ABRAXAS1: variants seen among roughly 807,000 people sequenced by gnomAD.
The protein encoded by ABRAXAS1 is BRCA1-A complex subunit Abraxas 1.
ABRAXAS1 carries 26 observed loss-of-function variants against 38.4 expected under a neutral mutation model. The observed-to-expected ratio is 0.68, with a 90% CI of 0.50 to 0.94. The LOEUF is 0.94. Among genes scored for constraint, ABRAXAS1 ranks in the 40% least tolerant of loss-of-function variants. The probability of loss-of-function intolerance (pLI) is 0.00; values close to 1 mark genes in which losing one functional copy is unlikely to be tolerated. For synonymous variants in ABRAXAS1, 144 were observed against 165.5 expected, an observed-to-expected ratio of 0.87 and a Z score of 1.00; for missense variants, 438 against 481.9, an observed-to-expected ratio of 0.91 and a Z score of 0.85.
At chr4:83,481,814 G>A (rs184435966) in intron 2 of ABRAXAS1, among the ~76,000 whole-genome samples, 1 of 152,212 alleles carries the variant, frequency 6.6e-6, no homozygotes, top group East Asian at 1.9e-4. Context: ...CAGTGGCACA[G>A]TCTCGGCTCA....
At chr4:83,470,130 G>T in intron 5 of ABRAXAS1, 73 bp downstream of exon 5, 3 of 1,160,374 alleles carry the variant, frequency 2.6e-6, no homozygotes, top group Non-Finnish European at 3.6e-6. Context: ...CACTTTGTAA[G>T]CTGCAAAAAG....
chr4:83,475,259 C>T (rs916313574), intron 3 of ABRAXAS1, among the ~76,000 whole-genome samples: 1 of 152,094 alleles, frequency 6.6e-6, no homozygotes, highest in Non-Finnish European at 1.5e-5. Context: ...TTTGTATGTC[C>T]ATTACACATA....
At position 83,463,696 on chromosome 4, in the gene ABRAXAS1, G is replaced by A. The variant is rs1056651451; in HGVS notation, c.682-88C>T. ...GATTCACAAATAATATAAAATCATT[G>A]GTGGTATATAATACCCAAAACTATT... On this transcript the variant is annotated intron_variant, in intron 7 of 8. Coordinates refer to ENST00000321945, the MANE Select transcript of ABRAXAS1 (RefSeq NM_139076.3). 10 of 655,728 alleles carry A rather than the reference G, an allele frequency of 1.5e-5. No individual in the cohort carries two copies. In the African/African-American group the frequency reaches 1.7e-4, roughly 11 times the overall value. 40.6% of individuals were successfully genotyped at this position (655,728 alleles called of 1,614,324 possible).
intron 1 of ABRAXAS1, 121 bp from the exon 2 acceptor site, chr4:83,482,365 T>C (rs1336657289): frequency 5.6e-6 from 3 of 535,482 alleles, no homozygotes; most frequent in Non-Finnish European, 9.8e-6. Flanking sequence ...GGGGCACATA[T>C]GAAAGATCTG....
rs1205918998 is a variant in ABRAXAS1, at chr4:83,462,520, T to A, written c.1179A>T (p.Glu393Asp). 6.2e-7 allele frequency: 1 copy of A among 1,614,072 alleles called. No individual in the cohort carries two copies. The highest frequency in any genetic ancestry group is 1.1e-5 in the South Asian group (1 of 91,064). The change falls in exon 9 of 9, where the codon GAA (glutamate) becomes GAT (aspartate). Residue 393 changes from glutamate (E) to aspartate (D), a missense_variant. Coordinates refer to ENST00000321945, the MANE Select transcript of ABRAXAS1 (RefSeq NM_139076.3). ...CACCAAAACCCTTCATCTTTTCAAT[T>A]TCTTCATCTGTTTCTGGGCTGCTCA... ...SKMSSPETDE[E>D]IEKMKGFGEY...
intron 2 of ABRAXAS1, among the ~76,000 whole-genome samples, chr4:83,481,410 C>A (rs1301863965): frequency 2.6e-5 from 4 of 152,138 alleles, no homozygotes; most frequent in Admixed American, 6.5e-5. Flanking sequence ...GCTTTAGCAC[C>A]CACTCCTCAA....
chr4:83,472,105 T>C (rs568871582), intron 4 of ABRAXAS1, 117 bp downstream of exon 4: 1 of 553,094 alleles, frequency 1.8e-6, no homozygotes, highest in Admixed American at 4.1e-5. Context: ...TTACTTACTT[T>C]ACAGGATACT....
chr4:83,464,602 C>T (rs1390612055), intron 7 of ABRAXAS1, among the ~76,000 whole-genome samples: 2 of 152,188 alleles, frequency 1.3e-5, no homozygotes, highest in African/African-American at 2.4e-5. Context: ...GCCAAGCCTA[C>T]TTTTTACAAA....
rs1412400906 is a variant in ABRAXAS1, at chr4:83,476,637, A to T, written c.215+6T>A. 4 of 1,557,816 alleles carry T rather than the reference A, an allele frequency of 2.6e-6. No homozygotes were observed. In the South Asian group the frequency reaches 4.5e-5, roughly 17 times the overall value. On this transcript the variant is annotated splice_donor_region_variant and intron_variant, in intron 3 of 8. Coordinates refer to ENST00000321945, the MANE Select transcript of ABRAXAS1 (RefSeq NM_139076.3). ...GGATCATTTACTTACTAGCACTACT[A>T]CTTACCTAAAAAGCTGATAGCATGG...
intron 7 of ABRAXAS1, among the ~76,000 whole-genome samples, chr4:83,465,298 T>TAAAAAAAAAA (rs1437563531): frequency 5.8e-5 from 1 of 17,288 alleles, no homozygotes; most frequent in Non-Finnish European, 1.2e-4. Context: ...AGACTCTGTC[T>TAAAAAAAAAA]CAAAAAAAAA....
At chr4:83,475,077 G>A (rs1490645617) in intron 3 of ABRAXAS1, among the ~76,000 whole-genome samples, 1 of 152,170 alleles carries the variant, frequency 6.6e-6, no homozygotes. Flanking sequence ...GAAATAGATG[G>A]TTTCTTCAGG....
chr4:83,479,370 C>T (rs1409210051), intron 2 of ABRAXAS1: 1 of 146,382 alleles, frequency 6.8e-6, no homozygotes, highest in Admixed American at 7.0e-5. Flanking sequence ...CACCACTGCA[C>T]TCCAGCCTGG....
chr4:83,474,144 A>AAAATAAATAAATAAAT (rs71668653), intron 3 of ABRAXAS1, among the ~76,000 whole-genome samples: 1,466 of 141,966 alleles, frequency 0.01, 26 homozygotes, highest in African/African-American at 0.035. Flanking sequence ...CCTTGTCTAA[A>AAAATAAATAAATAAAT]AAATAAATAA....
In ABRAXAS1 at chr4:83,485,006, G is replaced by C; in HGVS notation, c.67C>G (p.Leu23Val). 2 of 1,593,668 alleles carry C rather than the reference G, an allele frequency of 1.3e-6. No individual in the cohort carries two copies. Among genetic ancestry groups the C allele is most frequent in the Non-Finnish European group, 1.7e-6 (2 of 1,170,598 alleles). ...FVLGALAFQH[L>V]NTDSDTEGFL... ...CTCACCGTGTCCGAGTCCGTGTTGA[G>C]GTGCTGGAAAGCGAGTGCGCCGAGC... The change falls in exon 1 of 9, where the codon CTC becomes GTC. Residue 23 changes from leucine (L) to valine (V), a missense_variant. Around this residue, in one of 3 missense-constraint regions of ABRAXAS1, gnomAD observed 60 missense variants for 31.1 expected, o/e 1.93. Transcript: ENST00000321945.
intron 1 of ABRAXAS1, 28 bp from the exon 2 acceptor site, chr4:83,482,272 A>C: frequency 7.4e-7 from 1 of 1,342,680 alleles, no homozygotes; most frequent in Non-Finnish European, 1.1e-6. Context: ...CAATATATAG[A>C]ATACACTGAT....
chr4:83,460,148 C>A lies in ABRAXAS1; in HGVS notation c.*2321G>T. On this transcript the variant is annotated 3_prime_UTR_variant, in exon 9 of 9. Transcript: ENST00000321945. ...CCCTTTTTATCTTGATTAGGTTCAT[C>A]ATATACAAATGCCACTTTTTTTTTT... 6.3e-6 allele frequency: 1 copy of A among 158,420 alleles called. No homozygotes were observed. The highest frequency in any genetic ancestry group is 1.3e-5 in the Non-Finnish European group (1 of 75,064). The allele number at this position is 158,420 out of a possible 1,614,324, so 9.8% of individuals were successfully genotyped here.
At chr4:83,468,730 G>A (rs148874787) in intron 6 of ABRAXAS1, among the ~76,000 whole-genome samples, 1 of 152,072 alleles carries the variant, frequency 6.6e-6, no homozygotes, top group African/African-American at 2.4e-5. Flanking sequence ...TGTAGAGATG[G>A]GGTTTTGCTG....
chr4:83,477,856 A>G (rs556631558), intron 2 of ABRAXAS1: 4 of 756,362 alleles, frequency 5.3e-6, no homozygotes, highest in Admixed American at 3.5e-5. Context: ...TAGAACGTTT[A>G]GAAGATGAAA....
chr4:83,482,289 A>T (rs1304130013), intron 1 of ABRAXAS1, 45 bp from the exon 2 acceptor site: 1 of 1,194,498 alleles, frequency 8.4e-7, no homozygotes. Flanking sequence ...TGATAGAATT[A>T]CTGTTCACTT....
Sources: gnomAD v4.1 joint callset for allele counts (sites outside exome capture counted in the v4.1 genomes callset) on GRCh38, gnomAD v4.1.1 for gene constraint, gnomAD v4.1.1 regional missense constraint, MANE v1.5 for transcripts, NCBI Gene and HGNC (gene_info 2026-07-23, HGNC 2026-07-21) for gene names.